Variants in LEO1 observed in about 807,000 individuals in gnomAD.
LEO1 encodes the protein LEO1 component of Paf1/RNA polymerase II complex, also known as RNA polymerase-associated protein LEO1.
LEO1 carries 34 observed loss-of-function variants against 80.4 expected under a neutral mutation model. The observed-to-expected ratio is 0.42, with a 90% CI of 0.32 to 0.56. The LOEUF (loss-of-function observed/expected upper bound fraction) is 0.56. LEO1 is among the 20% of genes least tolerant of loss of function. LEO1 has a pLI of 0.10. For missense variants in LEO1, 631 were observed against 814.2 expected, an observed-to-expected ratio of 0.77 and a Z score of 2.74; for synonymous variants, 262 against 274.9, an observed-to-expected ratio of 0.95 and a Z score of 0.46.
rs796662627 is a variant in LEO1 at position 51,942,930 on chromosome 15, A to C, written c.1896+4362T>G. 2.0e-4 allele frequency among the ~76,000 whole-genome samples: 30 copies of C among 151,162 alleles called. 1 individual carries two copies. Among genetic ancestry groups the C allele is most frequent in the African/African-American group, 7.3e-4 (30 of 41,088 alleles). ...GAATGAGACTTTGTCTCAAAAAAAA[A>C]AAAAAAACCAAAAAAAAAACAACAA... is the stretch of plus-strand genomic sequence containing the variant. On this transcript the variant is annotated intron_variant, in intron 11 of 11. Transcript: ENST00000299601.
intron 6 of LEO1, among the ~76,000 whole-genome samples, chr15:51,958,493 C>T (rs1000568213): frequency 1.3e-5 from 2 of 152,120 alleles, no homozygotes; most frequent in African/African-American, 4.8e-5. Context: ...CCTACATCCT[C>T]CTTACTTAAA....
At chr15:51,947,711 C>T (rs1323196527) in intron 10 of LEO1, among the ~76,000 whole-genome samples, 4 of 152,202 alleles carry the variant, frequency 2.6e-5, no homozygotes, top group African/African-American at 9.6e-5. Context: ...AGGCGTGAGC[C>T]ACTGTGTCCA....
intron 11 of LEO1, 104 bp downstream of exon 11, chr15:51,947,188 G>A (rs1416892250): frequency 2.3e-5 from 18 of 777,974 alleles, no homozygotes; most frequent in Admixed American, 3.7e-5. Context: ...AGTGACGTGT[G>A]TAGACAACTA....
Position 51,960,695 on chromosome 15 carries a change from C to T in LEO1, c.958G>A (p.Asp320Asn), listed in dbSNP as rs1352080123. 3.7e-6 allele frequency: 6 copies of T among 1,611,638 alleles called. No homozygotes were observed. In the South Asian group the frequency reaches 6.6e-5, roughly 18 times the overall value. Residue 320 changes from aspartate (D) to asparagine (N), a missense_variant, in exon 4 of 12, where the codon GAT becomes AAT. Transcript: ENST00000299601. ...GTMDLFGGAD[D>N]ISSGSDGEDK... is the part of the protein sequence containing the mutation. The stretch of plus-strand genomic sequence containing the variant: ...TCTCCATCACTCCCTGAAGAGATAT[C>T]ATCTGCACCTCCAAATAAATCCATG...
At chr15:51,969,216 C>T (rs1435957725) in intron 1 of LEO1, among the ~76,000 whole-genome samples, 1 of 152,084 alleles carries the variant, frequency 6.6e-6, no homozygotes, top group Non-Finnish European at 1.5e-5. Flanking sequence ...ACCTCAGCCC[C>T]CTAAAGTGCT....
Position 51,938,197 on chromosome 15 carries a change from T to A in LEO1, c.1960A>T (p.Lys654Ter), listed in dbSNP as rs2056817475. Residue 654 changes from lysine (K) to a stop codon, truncating the protein, a stop_gained, in exon 12 of 12, where the codon AAG (lysine) becomes TAG (stop). Coordinates refer to ENST00000299601, the MANE Select transcript of LEO1 (RefSeq NM_138792.4). LOFTEE classifies it high-confidence loss of function. ...DDDKANKKHK[K>*]YVISDEEEED... The stretch of plus-strand genomic sequence containing the variant: ...TCCTCTTCATCGCTGATCACATACT[T>A]CTTATGCTTTTTATTTGCTTTATCA... 1 of 1,610,544 alleles carries A rather than the reference T, an allele frequency of 6.2e-7. No homozygotes were observed. The highest frequency in any genetic ancestry group is 1.3e-5 in the African/African-American group (1 of 74,890).
intron 3 of LEO1, among the ~76,000 whole-genome samples, chr15:51,961,624 C>T (rs1481721550): frequency 6.6e-6 from 1 of 151,652 alleles, no homozygotes; most frequent in Non-Finnish European, 1.5e-5. Flanking sequence ...GAACTCCTGG[C>T]CTCAAGTGAT....
chr15:51,952,487 T>G (rs2056957286), intron 8 of LEO1, among the ~76,000 whole-genome samples: 1 of 152,064 alleles, frequency 6.6e-6, no homozygotes, highest in South Asian at 2.1e-4. Context: ...CTTTATAATT[T>G]CAAAAAGCTA....
Position 51,951,828 on chromosome 15 carries a change from G to C in LEO1, c.1611+16C>G. The C allele has an allele frequency of 3.7e-6, 6 of 1,612,636 alleles. No homozygotes were observed. Among genetic ancestry groups the C allele is most frequent in the Admixed American group, 1.7e-5 (1 of 59,946 alleles). On this transcript the variant is annotated intron_variant, in intron 9 of 11. Transcript: ENST00000299601. ...CCAAAGAATCCCAGGATAACGCTTA[G>C]GCTTAGCAAACATACCTTAATCATT...
intron 2 of LEO1, among the ~76,000 whole-genome samples, chr15:51,962,923 A>G (rs2593204): frequency 0.45 from 67,106 of 149,982 alleles, 15,210 homozygotes; most frequent in Admixed American, 0.53. Context: ...CATGCAGAAC[A>G]TGCCCCCCCC....
intron 10 of LEO1, among the ~76,000 whole-genome samples, chr15:51,949,412 T>C (rs1015521387): frequency 3.3e-5 from 5 of 152,152 alleles, no homozygotes; most frequent in Non-Finnish European, 5.9e-5. Context: ...AAAAATAAAA[T>C]GTCCGGGCTA....
Position 51,954,488 on chromosome 15 carries a change from C to G in LEO1, c.1333G>C (p.Asp445His), listed in dbSNP as rs1017025766. ...ESNARIVKWSDGSMSLHLGNE... is the reference protein window; with the variant it reads ...ESNARIVKWSHGSMSLHLGNE... ...CAGGCGTTTTGTGCTCACCTTCCAT[C>G]TGACCACTTGACTATCCGAGCATTG... Residue 445 changes from aspartate to histidine, a missense_variant, in exon 7 of 12, where the codon GAT becomes CAT. By Grantham distance (81) the Asp-to-His change is moderately conservative. Coordinates refer to ENST00000299601, the MANE Select transcript of LEO1 (RefSeq NM_138792.4). 4 of 1,609,824 alleles carry G rather than the reference C, an allele frequency of 2.5e-6. No individual in the cohort carries two copies. Among genetic ancestry groups the G allele is most frequent in the Non-Finnish European group, 3.4e-6 (4 of 1,176,090 alleles).
intron 6 of LEO1, among the ~76,000 whole-genome samples, chr15:51,957,117 C>T (rs897381439): frequency 1.3e-5 from 2 of 152,126 alleles, no homozygotes; most frequent in South Asian, 2.1e-4. Context: ...GGCACCATGC[C>T]CGGCCTTTGA....
intron 6 of LEO1, among the ~76,000 whole-genome samples, chr15:51,956,233 C>T (rs2056987831): frequency 6.6e-6 from 1 of 152,070 alleles, no homozygotes; most frequent in Non-Finnish European, 1.5e-5. Flanking sequence ...ACCTGGCCAA[C>T]ACAGTGAAAC....
Position 51,965,735 on chromosome 15 carries a change from C to A in LEO1, c.814+14G>T. 1 of 1,589,988 alleles carries A rather than the reference C, an allele frequency of 6.3e-7. No homozygotes were observed. The highest frequency in any genetic ancestry group is 1.2e-5 in the South Asian group (1 of 86,488). ...CTTCTTTCTGAGCCATTCTGGTTCTCATAAATGTATTACCTGATTTATGAT... is the reference window on the plus strand; with the variant it reads ...CTTCTTTCTGAGCCATTCTGGTTCTAATAAATGTATTACCTGATTTATGAT... On this transcript the variant is annotated intron_variant, in intron 2 of 11. Transcript: ENST00000299601.
At chr15:51,960,165 G>A in intron 4 of LEO1, 121 bp from the exon 5 acceptor site, 2 of 744,286 alleles carry the variant, frequency 2.7e-6, no homozygotes, top group Non-Finnish European at 4.2e-6. Flanking sequence ...TAGGACTAAA[G>A]AAGTCCCCAG....
At chr15:51,964,930 C>T (rs554346409) in intron 2 of LEO1, among the ~76,000 whole-genome samples, 1 of 152,214 alleles carries the variant, frequency 6.6e-6, no homozygotes, top group South Asian at 2.1e-4. Flanking sequence ...AAAAGCAGGT[C>T]CAGGAACCAA....
At chr15:51,956,452 G>GC (rs376131933) in intron 6 of LEO1, among the ~76,000 whole-genome samples, 130 of 149,432 alleles carry the variant, frequency 8.7e-4, no homozygotes, top group African/African-American at 3.1e-3. Context: ...CCACAAATAG[G>GC]CCATTATTAA....
At chr15:51,942,418 TA>T (rs57680756) in intron 11 of LEO1, among the ~76,000 whole-genome samples, 7,957 of 143,996 alleles carry the variant, frequency 0.055, 442 homozygotes, top group African/African-American at 0.13. Context: ...ATGGATCACT[TA>T]AAAAAAAAAA....
Sources: allele counts gnomAD v4.1 joint callset (sites outside exome capture counted in the v4.1 genomes callset), GRCh38; gene constraint gnomAD v4.1.1; transcripts MANE v1.5; gene names NCBI Gene and HGNC (gene_info 2026-07-23, HGNC 2026-07-21).